The following EFCAB11 variants were observed in gnomAD, a reference collection of about 807,000 sequenced individuals.
EFCAB11 encodes the protein EF-hand calcium-binding domain-containing protein 11.
Under a neutral mutation model 23.0 loss-of-function variants are expected in EFCAB11, and 14 were observed. The ratio of observed to expected loss-of-function variants is 0.61; its 90% CI spans 0.40 to 0.95. EFCAB11 has a LOEUF of 0.95. Among genes scored for constraint, EFCAB11 ranks in the 40% least tolerant of loss-of-function variants. The pLI, the probability that EFCAB11 is intolerant of heterozygous loss-of-function variation, is 0.00. For missense variants in EFCAB11, 198 were observed against 195.8 expected (o/e 1.01, Z -0.07); for synonymous variants, 65 against 66.6 (o/e 0.98, Z 0.11).
At chr14:89,908,441 T>C (rs996894743) in intron 5 of EFCAB11, among the ~76,000 whole-genome samples, 3 of 152,276 alleles carry the variant, frequency 2.0e-5, no homozygotes, top group Middle Eastern at 3.4e-3. Flanking sequence ...ACACCACGAG[T>C]GGAAAATTCC....
rs200046416 is a variant in EFCAB11 at position 89,826,068 on chromosome 14, ATCTC to A, written c.411-28748_411-28745del. 3.8e-3 allele frequency among the ~76,000 whole-genome samples: 571 copies of A among 152,106 alleles called. 7 individuals carry two copies. The highest frequency in any genetic ancestry group is 0.013 in the African/African-American group (533 of 41,488). On this transcript the variant is annotated intron_variant, in intron 5 of 5. Coordinates refer to ENST00000316738, the MANE Select transcript of EFCAB11 (RefSeq NM_145231.4). ...GTGGTGGGGGAGACAAACAAATAAG[ATCTC>A]TCTTTCTCTCTCTCATATACATATA...
chr14:89,809,045 T>C (rs902604492), intron 5 of EFCAB11, among the ~76,000 whole-genome samples: 2 of 152,204 alleles, frequency 1.3e-5, no homozygotes, highest in Non-Finnish European at 2.9e-5. Context: ...GGTATGGAGA[T>C]GGGAGAAGAA....
chr14:89,933,684 G>T (rs1890478022), intron 3 of EFCAB11, among the ~76,000 whole-genome samples: 1 of 152,228 alleles, frequency 6.6e-6, no homozygotes, highest in African/African-American at 2.4e-5. Context: ...GGGGAAAAGA[G>T]AATACACATG....
intron 3 of EFCAB11, among the ~76,000 whole-genome samples, chr14:89,941,156 G>C (rs1890778093): frequency 6.6e-6 from 1 of 152,212 alleles, no homozygotes; most frequent in Non-Finnish European, 1.5e-5. Context: ...CAGGGCAGGA[G>C]GACTTATGCC....
chr14:89,947,526 A>G (rs1204191713), intron 3 of EFCAB11, among the ~76,000 whole-genome samples: 1 of 152,174 alleles, frequency 6.6e-6, no homozygotes, highest in Non-Finnish European at 1.5e-5. Context: ...CCCTCACCAC[A>G]CTTTGAAATG....
At chr14:89,874,600 T>G (rs1888378187) in intron 5 of EFCAB11, among the ~76,000 whole-genome samples, 1 of 152,150 alleles carries the variant, frequency 6.6e-6, no homozygotes, top group South Asian at 2.1e-4. Flanking sequence ...GGAATGCTTT[T>G]AAGAGTACTC....
chr14:89,822,864 G>C lies in EFCAB11; in HGVS notation c.411-25540C>G, dbSNP rs145976115. Among the ~76,000 whole-genome samples the C allele has an allele frequency of 1.3e-3, 195 of 152,242 alleles. 2 individuals are homozygous for C. The highest frequency in any genetic ancestry group is 9.0e-3 in the Admixed American group (138 of 15,296). On this transcript the variant is annotated intron_variant, in intron 5 of 5. Transcript: ENST00000316738. ...GCTATTCTAGAACTATCCTAACAAA[G>C]CTTATAAACCAGCCTGAAAATATCA...
chr14:89,882,390 T>C (rs759619574), intron 5 of EFCAB11, among the ~76,000 whole-genome samples: 2 of 152,150 alleles, frequency 1.3e-5, no homozygotes, highest in Non-Finnish European at 2.9e-5. Context: ...CTTTGACTCT[T>C]TCCCCACCAT....
intron 5 of EFCAB11, among the ~76,000 whole-genome samples, chr14:89,912,201 A>C (rs947598388): frequency 6.6e-6 from 1 of 152,226 alleles, no homozygotes; most frequent in East Asian, 1.9e-4. Flanking sequence ...GTTTCATTGA[A>C]AAAAGAAAAA....
intron 3 of EFCAB11, among the ~76,000 whole-genome samples, chr14:89,933,175 C>T (rs945819425): frequency 6.6e-6 from 1 of 152,196 alleles, no homozygotes; most frequent in Non-Finnish European, 1.5e-5. Flanking sequence ...CCTGGATACG[C>T]CCCACAACGT....
At chr14:89,907,586 G>T (rs1889538660) in intron 5 of EFCAB11, among the ~76,000 whole-genome samples, 1 of 152,140 alleles carries the variant, frequency 6.6e-6, no homozygotes, top group Admixed American at 6.5e-5. Context: ...AAATTTATAT[G>T]CTGTCTAGAT....
At chr14:89,940,649 G>T (rs1268721041) in intron 3 of EFCAB11, among the ~76,000 whole-genome samples, 3 of 152,134 alleles carry the variant, frequency 2.0e-5, no homozygotes, top group African/African-American at 7.2e-5. Flanking sequence ...GCTTTTTCAA[G>T]TATCAAAGTA....
chr14:89,827,266 T>G (rs1040245252), intron 5 of EFCAB11, among the ~76,000 whole-genome samples: 1 of 152,122 alleles, frequency 6.6e-6, no homozygotes, highest in South Asian at 2.1e-4. Context: ...CCCAGACCCC[T>G]GGAGAGGGTG....
At chr14:89,873,798 T>C (rs1350400199) in intron 5 of EFCAB11, among the ~76,000 whole-genome samples, 1 of 152,230 alleles carries the variant, frequency 6.6e-6, no homozygotes, top group African/African-American at 2.4e-5. Context: ...TCTACAGCCT[T>C]GGGAAGCTCT....
intron 5 of EFCAB11, chr14:89,931,244 A>G (rs1890378066): frequency 3.2e-6 from 1 of 311,172 alleles, no homozygotes; most frequent in South Asian, 7.5e-5. Flanking sequence ...CTTGGTTCAC[A>G]CGTAAGTATC....
intron 5 of EFCAB11, among the ~76,000 whole-genome samples, chr14:89,873,362 C>A (rs532101256): frequency 2.2e-4 from 33 of 152,312 alleles, no homozygotes; most frequent in African/African-American, 5.5e-4. Context: ...ATAGGAGCTA[C>A]AATTCAAGAT....
intron 5 of EFCAB11, among the ~76,000 whole-genome samples, chr14:89,880,367 G>C (rs1888564200): frequency 6.6e-6 from 1 of 152,116 alleles, no homozygotes. Flanking sequence ...AGAAGTGTGA[G>C]AAATAAAATT....
chr14:89,867,492 A>T (rs1433231595), intron 5 of EFCAB11, among the ~76,000 whole-genome samples: 1 of 152,200 alleles, frequency 6.6e-6, no homozygotes, highest in Non-Finnish European at 1.5e-5. Context: ...TTGGAGAGCC[A>T]GCCCCAGGGA....
rs60643544 is a variant in EFCAB11, at chr14:89,861,653, G to A, written c.411-64329C>T. Among the ~76,000 whole-genome samples the A allele has an allele frequency of 5.4e-3, 822 of 152,234 alleles. 9 individuals are homozygous for A. The highest frequency in any genetic ancestry group is 0.019 in the African/African-American group (781 of 41,532). On this transcript the variant is annotated intron_variant, in intron 5 of 5. Coordinates refer to ENST00000316738, the MANE Select transcript of EFCAB11 (RefSeq NM_145231.4). ...ATCCCCAAATTTATAAACTGATTAG[G>A]AATGTGGTCTTTTGGAGGTAATTGG...
Sources: gnomAD v4.1 joint callset for allele counts (sites outside exome capture counted in the v4.1 genomes callset) on GRCh38, gnomAD v4.1.1 for gene constraint, MANE v1.5 for transcripts, NCBI Gene and HGNC (gene_info 2026-07-23, HGNC 2026-07-21) for gene names.